Variants in PSMA3 observed in about 807,000 individuals in gnomAD.
PSMA3 encodes proteasome 20S subunit alpha 3.
Under a neutral mutation model 40.0 loss-of-function variants are expected in PSMA3, and 8 were observed. The ratio of observed to expected loss-of-function variants is 0.20; its 90% CI spans 0.12 to 0.36. PSMA3 has a LOEUF of 0.36. Among genes scored for constraint, PSMA3 ranks in the 10% least tolerant of loss-of-function variants. PSMA3 has a pLI of 1.00. For synonymous variants in PSMA3, 110 were observed against 100.0 expected, an observed-to-expected ratio of 1.10 and a Z score of -0.59; for missense variants, 219 against 310.6, an observed-to-expected ratio of 0.70 and a Z score of 2.22.
intron 3 of PSMA3, among the ~76,000 whole-genome samples, chr14:58,253,373 A>G (rs1415882802): frequency 1.3e-5 from 2 of 152,214 alleles, no homozygotes; most frequent in Admixed American, 6.5e-5. Context: ...ATGTTACTCA[A>G]GAGCCCTTTC....
intron 1 of PSMA3, 70 bp from the exon 2 acceptor site, chr14:58,247,680 T>C: frequency 9.6e-7 from 1 of 1,041,176 alleles, no homozygotes; most frequent in East Asian, 2.4e-5. Flanking sequence ...TTCAGCCATT[T>C]AGAGGGGAAG....
rs1445051930 is a variant in PSMA3 at position 58,270,313 on chromosome 14, A to G, written c.591-105A>G. 5.5e-6 allele frequency: 8 copies of G among 1,461,174 alleles called. No individual in the cohort carries two copies. In the Admixed American group the frequency reaches 1.8e-4, roughly 33 times the overall value. The allele number at this position is 1,461,174 out of a possible 1,614,324, so 90.5% of individuals were successfully genotyped here. A position where few individuals can be genotyped will look rare whatever the true frequency, so the allele number is the denominator to read the frequency against. On this transcript the variant is annotated intron_variant, in intron 8 of 10. Coordinates refer to ENST00000216455, the MANE Select transcript of PSMA3 (RefSeq NM_002788.4). ...AATGTGTCTGTGTAATTTTATAGAT[A>G]CTTTTATTATGGATGGACATTCTAA... is the stretch of plus-strand genomic sequence containing the variant.
intron 6 of PSMA3, among the ~76,000 whole-genome samples, chr14:58,261,308 G>A (rs931546385): frequency 5.3e-5 from 8 of 151,594 alleles, no homozygotes; most frequent in African/African-American, 9.7e-5. Context: ...TCAGCCTCCC[G>A]GGTAGCTGGG....
At chr14:58,258,221 C>G (rs1044638189) in intron 5 of PSMA3, 2 of 452,894 alleles carry the variant, frequency 4.4e-6, no homozygotes, top group Non-Finnish European at 4.0e-6. Flanking sequence ...GAGGATCCCT[C>G]GCGCCCAGGA....
At chr14:58,256,941 A>G (rs889215393) in intron 3 of PSMA3, among the ~76,000 whole-genome samples, 5 of 150,614 alleles carry the variant, frequency 3.3e-5, no homozygotes, top group Non-Finnish European at 5.9e-5. Context: ...CAACATGACA[A>G]AACCAAACCC....
At chr14:58,254,618 G>A (rs1212568413) in intron 3 of PSMA3, among the ~76,000 whole-genome samples, 2 of 151,790 alleles carry the variant, frequency 1.3e-5, no homozygotes, top group Non-Finnish European at 2.9e-5. Flanking sequence ...TTACAGGCAT[G>A]AGCCAATGTG....
intron 7 of PSMA3, among the ~76,000 whole-genome samples, chr14:58,264,485 T>C (rs551388696): frequency 6.6e-6 from 1 of 152,356 alleles, no homozygotes; most frequent in East Asian, 1.9e-4. Context: ...ATGGATACTG[T>C]TTCAATATTA....
chr14:58,256,760 C>T (rs1011711104), intron 3 of PSMA3, among the ~76,000 whole-genome samples: 4 of 152,204 alleles, frequency 2.6e-5, no homozygotes, highest in African/African-American at 9.6e-5. Context: ...GTTTCAGATT[C>T]TGAAGCGTTT....
At chr14:58,271,467 T>C (rs927474760) in intron 10 of PSMA3, among the ~76,000 whole-genome samples, 3 of 151,694 alleles carry the variant, frequency 2.0e-5, no homozygotes, top group Non-Finnish European at 4.4e-5. Flanking sequence ...GTAGCTGGGA[T>C]TACAGGAACA....
chr14:58,267,664 C>G (rs576436450), intron 8 of PSMA3, 144 bp downstream of exon 8: 2 of 1,241,330 alleles, frequency 1.6e-6, no homozygotes, highest in African/African-American at 3.1e-5. Flanking sequence ...TTCTAAGAAG[C>G]CTCACGAAGG....
intron 5 of PSMA3, among the ~76,000 whole-genome samples, chr14:58,258,782 A>T (rs986245294): frequency 6.6e-5 from 10 of 152,230 alleles, no homozygotes; most frequent in African/African-American, 2.4e-4. Context: ...CTTATGACTT[A>T]AAACAGTCAA....
At chr14:58,269,807 CT>C (rs1283428065) in intron 8 of PSMA3, 1 of 151,852 alleles carries the variant, frequency 6.6e-6, no homozygotes, top group Non-Finnish European at 1.5e-5. Flanking sequence ...ACGCCTCTTC[CT>C]AGTGAATCCG....
At chr14:58,250,350 G>A (rs1317242376) in intron 2 of PSMA3, among the ~76,000 whole-genome samples, 1 of 152,048 alleles carries the variant, frequency 6.6e-6, no homozygotes. Flanking sequence ...TGTACTGCTT[G>A]AGTTCAACTA....
chr14:58,260,047 T>C (rs1335665949), intron 5 of PSMA3, among the ~76,000 whole-genome samples: 3 of 152,200 alleles, frequency 2.0e-5, no homozygotes, highest in Admixed American at 1.3e-4. Context: ...AATTGAATAG[T>C]TAAAATATTC....
Position 58,267,488 on chromosome 14 carries a change from C to T in PSMA3, c.558C>T (p.Thr186=). 3 of 1,566,614 alleles carry T rather than the reference C, an allele frequency of 1.9e-6. No homozygotes were observed. The highest frequency in any genetic ancestry group is 2.6e-6 in the Non-Finnish European group (3 of 1,162,142). The change falls in exon 8 of 11, where the codon ACC becomes ACT. Residue 186 remains threonine (T), a synonymous_variant. Transcript: ENST00000216455. ...EIEKLQMKEM[T]CRDIVKEVAK... ...ATTTTCTATAGATGAAAGAAATGACCTGCCGTGATATCGTTAAAGAAGTTG... is the reference window on the plus strand; with the variant it reads ...ATTTTCTATAGATGAAAGAAATGACTTGCCGTGATATCGTTAAAGAAGTTG...
intron 9 of PSMA3, 143 bp downstream of exon 9, chr14:58,270,628 GACTTAA>G (rs1890587309): frequency 7.0e-7 from 1 of 1,433,496 alleles, no homozygotes. Flanking sequence ...CTTAATAATT[GACTTAA>G]GTTGTGAACA....
At chr14:58,250,833 T>C (rs1889995673) in intron 2 of PSMA3, among the ~76,000 whole-genome samples, 1 of 152,172 alleles carries the variant, frequency 6.6e-6, no homozygotes, top group African/African-American at 2.4e-5. Flanking sequence ...GTAGAAAAGA[T>C]GGTGTAGTAA....
chr14:58,261,066 A>G, intron 6 of PSMA3, 46 bp downstream of exon 6: 1 of 1,289,264 alleles, frequency 7.8e-7, no homozygotes, highest in South Asian at 1.2e-5. Flanking sequence ...GTTTAATGGT[A>G]TTTCATTAGC....
chr14:58,268,232 C>T (rs1206012434), intron 8 of PSMA3: 1 of 152,042 alleles, frequency 6.6e-6, no homozygotes, highest in South Asian at 2.1e-4. Context: ...CGTTGTGTAG[C>T]CAGCTTTTTA....
Sources: gnomAD v4.1 joint callset for allele counts (sites outside exome capture counted in the v4.1 genomes callset) on GRCh38, gnomAD v4.1.1 for gene constraint, MANE v1.5 for transcripts, NCBI Gene and HGNC (gene_info 2026-07-23, HGNC 2026-07-21) for gene names.